The following CLIC5 variants were observed in gnomAD, a reference collection of about 807,000 sequenced individuals.
The protein encoded by CLIC5 is chloride intracellular channel protein 5.
CLIC5 carries 20 observed loss-of-function variants against 24.7 expected under a neutral mutation model. That is an observed-to-expected ratio of 0.81 (90% CI 0.57 to 1.18). The LOEUF (loss-of-function observed/expected upper bound fraction) is 1.18, where lower values mean the gene tolerates loss of function less well. Among genes scored for constraint, CLIC5 ranks in the 50% most tolerant of loss-of-function variants. The pLI is 0.00. For missense variants in CLIC5, 341 were observed against 326.1 expected, an observed-to-expected ratio of 1.05 and a Z score of -0.35; for synonymous variants, 159 against 135.6, an observed-to-expected ratio of 1.17 and a Z score of -1.20.
chr6:46,077,827 TC>T (rs1416233190), intron 1 of CLIC5, among the ~76,000 whole-genome samples: 1 of 152,220 alleles, frequency 6.6e-6, no homozygotes, highest in African/African-American at 2.4e-5. Context: ...TTATAGTCAA[TC>T]AATTTTCCCT....
downstream of CLIC5, among the ~76,000 whole-genome samples, chr6:45,895,930 T>C (rs1269297289): frequency 6.6e-6 from 1 of 152,242 alleles, no homozygotes; most frequent in Admixed American, 6.5e-5. Flanking sequence ...TAAGAGTGTT[T>C]GGGGCATTGA....
the CLIC5 span, among the ~76,000 whole-genome samples, chr6:46,106,428 C>G: frequency 2.0e-5 from 3 of 152,128 alleles, no homozygotes; most frequent in Admixed American, 1.3e-4. Context: ...TTTTAAAGAT[C>G]TAGATATACT....
intron 1 of CLIC5, among the ~76,000 whole-genome samples, chr6:45,982,113 G>A (rs990305730): frequency 6.6e-6 from 1 of 152,226 alleles, no homozygotes; most frequent in Non-Finnish European, 1.5e-5. Context: ...GGAAATGTGA[G>A]GGAGCTCAGC....
chr6:46,015,866 C>A (rs866232476), upstream of CLIC5: 4 of 1,076,076 alleles, frequency 3.7e-6, no homozygotes, highest in African/African-American at 3.3e-5. Flanking sequence ...TCAGCGATCC[C>A]GCCGCCGCCA....
upstream of CLIC5, among the ~76,000 whole-genome samples, chr6:46,019,082 TAA>T (rs59568209): frequency 1.5e-5 from 2 of 134,530 alleles, no homozygotes; most frequent in African/African-American, 2.7e-5. Flanking sequence ...AAAAGTATAG[TAA>T]AAAAAAAAAA....
chr6:46,049,849 G>T (rs1204755132), intron 1 of CLIC5, among the ~76,000 whole-genome samples: 2 of 152,316 alleles, frequency 1.3e-5, no homozygotes, highest in African/African-American at 4.8e-5. Context: ...TCCAAAATGG[G>T]AAATGCTGAG....
chr6:45,923,822 G>C (rs948454269), intron 4 of CLIC5, among the ~76,000 whole-genome samples: 2 of 152,120 alleles, frequency 1.3e-5, no homozygotes, highest in Non-Finnish European at 2.9e-5. Flanking sequence ...GTTAATATAC[G>C]CAAGTCAAGA....
intron 1 of CLIC5, among the ~76,000 whole-genome samples, chr6:46,069,681 C>T (rs2127474089): frequency 6.6e-6 from 1 of 152,154 alleles, no homozygotes; most frequent in African/African-American, 2.4e-5. Flanking sequence ...CTAAAACTTC[C>T]AAAAAATGGA....
intron 1 of CLIC5, among the ~76,000 whole-genome samples, chr6:45,958,721 T>C (rs186444370): frequency 1.2e-4 from 18 of 151,948 alleles, no homozygotes; most frequent in Non-Finnish European, 2.6e-4. Context: ...TATTATATAT[T>C]GCCTTTCATG....
intron 5 of CLIC5, among the ~76,000 whole-genome samples, chr6:45,909,981 T>C (rs2096285883): frequency 6.6e-6 from 1 of 152,324 alleles, no homozygotes; most frequent in East Asian, 1.9e-4. Context: ...TGAAGGATGA[T>C]GATGACTTGA....
downstream of CLIC5, among the ~76,000 whole-genome samples, chr6:45,894,297 C>G (rs1172328803): frequency 6.6e-6 from 1 of 152,138 alleles, no homozygotes; most frequent in Non-Finnish European, 1.5e-5. Context: ...ATCTCAAGAG[C>G]CTTACAATAG....
intron 1 of CLIC5, among the ~76,000 whole-genome samples, chr6:46,025,914 G>A (rs1767319284): frequency 6.6e-6 from 1 of 152,094 alleles, no homozygotes; most frequent in African/African-American, 2.4e-5. Flanking sequence ...GACATGCCTT[G>A]CTTTCCCTCT....
At chr6:46,060,066 A>T (rs1762206921) in intron 1 of CLIC5, among the ~76,000 whole-genome samples, 1 of 152,102 alleles carries the variant, frequency 6.6e-6, no homozygotes, top group Admixed American at 6.5e-5. Flanking sequence ...TATTAAAAAT[A>T]AAAAAATTAA....
chr6:45,915,130 A>G (rs1039535055), intron 4 of CLIC5, among the ~76,000 whole-genome samples: 8 of 151,484 alleles, frequency 5.3e-5, no homozygotes, highest in Non-Finnish European at 1.2e-4. Flanking sequence ...GAGTTTCACC[A>G]TATTGGCCAA....
intron 1 of CLIC5, among the ~76,000 whole-genome samples, chr6:45,995,170 T>A (rs1419826390): frequency 6.6e-6 from 1 of 152,234 alleles, no homozygotes; most frequent in African/African-American, 2.4e-5. Context: ...GTATAAGCTG[T>A]GTGGCCTTGA....
chr6:45,912,083 G>A, intron 5 of CLIC5: 1 of 986,118 alleles, frequency 1.0e-6, no homozygotes, highest in African/African-American at 1.7e-5. Flanking sequence ...GGACTTCCAT[G>A]CTCATGTTCT....
intron 1 of CLIC5, among the ~76,000 whole-genome samples, chr6:46,059,349 G>A (rs1386442817): frequency 6.6e-6 from 1 of 152,198 alleles, no homozygotes; most frequent in Non-Finnish European, 1.5e-5. Flanking sequence ...GTTTGCAACA[G>A]ATATGTATTC....
the CLIC5 span, among the ~76,000 whole-genome samples, chr6:46,108,410 G>GAC: frequency 3.3e-5 from 5 of 151,318 alleles, no homozygotes; most frequent in Non-Finnish European, 7.4e-5. Flanking sequence ...GTGAGAGAGA[G>GAC]AGAGAGATGG....
chr6:46,039,100 G>C (rs1191058175), intron 1 of CLIC5, among the ~76,000 whole-genome samples: 9 of 152,170 alleles, frequency 5.9e-5, no homozygotes, highest in African/African-American at 2.2e-4. Context: ...TGCATAGAAA[G>C]CCAAATATTC....
Sources: allele counts gnomAD v4.1 joint callset (sites outside exome capture counted in the v4.1 genomes callset), GRCh38; gene constraint gnomAD v4.1.1; transcripts MANE v1.5; gene names NCBI Gene and HGNC (gene_info 2026-07-23, HGNC 2026-07-21).